HECW1: variants seen among roughly 807,000 people sequenced by gnomAD.
The protein encoded by HECW1 is E3 ubiquitin-protein ligase HECW1.
Under a neutral mutation model 182.3 loss-of-function variants are expected in HECW1, and 61 were observed. The ratio of observed to expected loss-of-function variants is 0.33; its 90% confidence interval spans 0.27 to 0.41. The LOEUF (loss-of-function observed/expected upper bound fraction) is 0.41. Ranked by LOEUF, HECW1 falls within the 10% of genes least tolerant of loss-of-function variation. The pLI, the probability that HECW1 is intolerant of heterozygous loss-of-function variation, is 1.00. For missense variants in HECW1, 1,739 were observed against 2,108.9 expected, an observed-to-expected ratio of 0.82 and a Z score of 3.44; for synonymous variants, 859 against 832.6, an observed-to-expected ratio of 1.03 and a Z score of -0.55.
chr7:43,153,103 G>T (rs1407759025), intron 2 of HECW1, among the ~76,000 whole-genome samples: 1 of 152,100 alleles, frequency 6.6e-6, no homozygotes, highest in African/African-American at 2.4e-5. Flanking sequence ...CTATGATTCT[G>T]TGATGTGAAT....
rs1262483769 is a variant in HECW1, at chr7:43,281,723, T to C, written c.28-30040T>C. 4.8e-5 allele frequency among the ~76,000 whole-genome samples: 7 copies of C among 146,354 alleles called. No individual in the cohort carries two copies. In the East Asian group the frequency reaches 9.8e-4, roughly 21 times the overall value. On this transcript the variant is annotated intron_variant, in intron 3 of 29. Coordinates refer to ENST00000395891, the MANE Select transcript of HECW1 (RefSeq NM_015052.5). ...CTCTTTCTTTGCTTTCTTTTTTTTT[T>C]TTTTTTTTTTTTTTTTAGAGAGACA...
At chr7:43,546,365 T>C (rs970169586) in intron 26 of HECW1, among the ~76,000 whole-genome samples, 13 of 152,062 alleles carry the variant, frequency 8.5e-5, no homozygotes, top group African/African-American at 3.1e-4. Context: ...GCTTGATGAC[T>C]TTCATGGCTT....
chr7:43,240,885 A>G (rs1562720414), intron 2 of HECW1, among the ~76,000 whole-genome samples: 1 of 152,174 alleles, frequency 6.6e-6, no homozygotes, highest in African/African-American at 2.4e-5. Context: ...CTGTGCCACA[A>G]GGGTCTGCAG....
In HECW1 at chr7:43,468,048, G is replaced by A. The variant is rs562905801; in HGVS notation, c.2914-872G>A. Among the ~76,000 whole-genome samples the A allele has an allele frequency of 3.7e-4, 57 of 152,020 alleles. 1 individual carries two copies. Among genetic ancestry groups the A allele is most frequent in the Middle Eastern group, 3.4e-3 (1 of 294 alleles). On this transcript the variant is annotated intron_variant, in intron 15 of 29. Transcript: ENST00000395891. Reference sequence around the variant, plus strand: ...TGGCACTGGGCCAGTAGGTGCCACTGGCCCAACCCCCCGTCTACACGTGGT... The same window carrying A: ...TGGCACTGGGCCAGTAGGTGCCACTAGCCCAACCCCCCGTCTACACGTGGT...
Position 43,213,732 on chromosome 7 carries a change from A to C in HECW1, c.-31-30143A>C, listed in dbSNP as rs548883373. On this transcript the variant is annotated intron_variant, in intron 2 of 29. Coordinates refer to ENST00000395891, the MANE Select transcript of HECW1 (RefSeq NM_015052.5). The stretch of plus-strand genomic sequence containing the variant: ...AGTGCTGGGATTACAGGCGTGAGCC[A>C]CTGCGCCCAGCCAATAATTTTTTTA... 2.0e-5 allele frequency among the ~76,000 whole-genome samples: 3 copies of C among 152,310 alleles called. No individual in the cohort carries two copies. The East Asian group carries it at 5.8e-4, about 29-fold the overall frequency.
Position 43,565,710 on chromosome 7 carries a change from C to T in HECW1, c.*3784C>T, listed in dbSNP as rs1440631022. The stretch of plus-strand genomic sequence containing the variant: ...AAAGAAAAGAGAAAGTGTTATTTTC[C>T]TGTTAGTGACATGTAGTCCCTTTGT... On this transcript the variant is annotated 3_prime_UTR_variant, in exon 30 of 30. Coordinates refer to ENST00000395891, the MANE Select transcript of HECW1 (RefSeq NM_015052.5). 5.4e-6 allele frequency: 1 copy of T among 184,212 alleles called. No individual in the cohort carries two copies. Among genetic ancestry groups the T allele is most frequent in the Admixed American group, 6.2e-5 (1 of 16,028 alleles). 11.4% of individuals were successfully genotyped at this position (184,212 alleles called of 1,614,324 possible). A position where few individuals can be genotyped will look rare whatever the true frequency, so the allele number is the denominator to read the frequency against.
intron 21 of HECW1, among the ~76,000 whole-genome samples, chr7:43,502,396 C>T (rs992639240): frequency 1.3e-5 from 2 of 152,128 alleles, no homozygotes; most frequent in South Asian, 4.1e-4. Flanking sequence ...ATGGCTAACC[C>T]GCGTAATCCC....
At chr7:43,530,035 C>T (rs1391159065) in intron 24 of HECW1, among the ~76,000 whole-genome samples, 3 of 151,906 alleles carry the variant, frequency 2.0e-5, no homozygotes, top group Non-Finnish European at 2.9e-5. Flanking sequence ...CTGCAACCTC[C>T]GCCTCCCAGG....
intron 17 of HECW1, among the ~76,000 whole-genome samples, chr7:43,483,415 C>T (rs1180634750): frequency 6.6e-6 from 1 of 152,024 alleles, no homozygotes. Context: ...TTCCACACAC[C>T]CATAGATGGT....
At chr7:43,293,361 T>C (rs1417382279) in intron 3 of HECW1, among the ~76,000 whole-genome samples, 1 of 152,170 alleles carries the variant, frequency 6.6e-6, no homozygotes, top group Non-Finnish European at 1.5e-5. Context: ...GGTTTCCCAT[T>C]GGCCACTTCA....
chr7:43,337,571 A>G (rs1812459881), intron 5 of HECW1, among the ~76,000 whole-genome samples: 1 of 152,146 alleles, frequency 6.6e-6, no homozygotes, highest in South Asian at 2.1e-4. Flanking sequence ...GGCACACACT[A>G]TTTCCCAGGT....
chr7:43,178,208 G>C (rs1198345256), intron 2 of HECW1, among the ~76,000 whole-genome samples: 2 of 152,180 alleles, frequency 1.3e-5, no homozygotes, highest in Non-Finnish European at 2.9e-5. Context: ...GTTTCACCAT[G>C]TTGACCAGGC....
intron 2 of HECW1, chr7:43,121,884 A>G (rs1785655447): frequency 6.6e-6 from 1 of 152,206 alleles, no homozygotes; most frequent in Non-Finnish European, 1.5e-5. Flanking sequence ...TTGCCTCAGT[A>G]TCTGCCTCAG....
intron 11 of HECW1, among the ~76,000 whole-genome samples, chr7:43,446,432 A>T (rs190078011): frequency 6.6e-6 from 1 of 152,362 alleles, no homozygotes; most frequent in East Asian, 1.9e-4. Context: ...AAAGTCACAT[A>T]ATAATATGAA....
intron 24 of HECW1, among the ~76,000 whole-genome samples, chr7:43,527,255 C>T (rs911987726): frequency 2.0e-5 from 3 of 152,206 alleles, no homozygotes; most frequent in African/African-American, 7.2e-5. Flanking sequence ...CGGGTGGGCA[C>T]TCCCTCACTT....
chr7:43,126,418 C>T (rs1786250816), intron 2 of HECW1, among the ~76,000 whole-genome samples: 1 of 152,118 alleles, frequency 6.6e-6, no homozygotes, highest in African/African-American at 2.4e-5. Flanking sequence ...TTTATTAGAA[C>T]ACAGTCATGC....
chr7:43,531,624 T>C (rs2080995137), intron 24 of HECW1, among the ~76,000 whole-genome samples: 1 of 151,998 alleles, frequency 6.6e-6, no homozygotes, highest in Non-Finnish European at 1.5e-5. Context: ...CCACTGCCTC[T>C]CCTCCCATTC....
At chr7:43,335,863 CTCTT>C (rs1390607845) in intron 5 of HECW1, among the ~76,000 whole-genome samples, 8 of 149,510 alleles carry the variant, frequency 5.4e-5, no homozygotes, top group Admixed American at 1.3e-4. Context: ...CTTCATCTCT[CTCTT>C]TCTCTTTCTC....
At chr7:43,286,912 G>T (rs1417276377) in intron 3 of HECW1, among the ~76,000 whole-genome samples, 1 of 152,126 alleles carries the variant, frequency 6.6e-6, no homozygotes, top group Non-Finnish European at 1.5e-5. Flanking sequence ...CAATAGATTT[G>T]AAGAATTTGC....
Sources: gnomAD v4.1 joint callset for allele counts (sites outside exome capture counted in the v4.1 genomes callset) on GRCh38, gnomAD v4.1.1 for gene constraint, MANE v1.5 for transcripts, NCBI Gene and HGNC (gene_info 2026-07-23, HGNC 2026-07-21) for gene names.